The following SMAGP variants were observed in gnomAD, a reference collection of about 807,000 sequenced individuals.
The protein encoded by SMAGP is small cell adhesion glycoprotein, also known as small cell transmembrane and glycosylated protein.
In SMAGP, 7 loss-of-function variants were observed where a neutral mutation model predicts 10.1. The observed-to-expected ratio is 0.70, with a 90% confidence interval of 0.40 to 1.31. The LOEUF (loss-of-function observed/expected upper bound fraction) is 1.31. SMAGP is among the 50% of genes most tolerant of loss of function. SMAGP has a pLI of 0.01. For synonymous variants in SMAGP, 49 were observed against 47.2 expected (o/e 1.04, Z -0.16); for missense variants, 113 against 116.5 (o/e 0.97, Z 0.14).
intron 2 of SMAGP, among the ~76,000 whole-genome samples, chr12:51,250,039 C>CTTAAATATT (rs1944821380): frequency 6.6e-6 from 1 of 151,992 alleles, no homozygotes; most frequent in Middle Eastern, 3.4e-3. Context: ...GTAGCTACTA[C>CTTAAATATT]TTAAATATTA....
At chr12:51,246,930 A>C in intron 2 of SMAGP, 99 bp from the exon 3 acceptor site, 1 of 793,670 alleles carries the variant, frequency 1.3e-6, no homozygotes, top group East Asian at 3.1e-5. Context: ...CTTCTTCCCT[A>C]TTCAAAAGTT....
chr12:51,270,015 GCCCCGC>G (rs1004480145), intron 1 of SMAGP: 21 of 151,744 alleles, frequency 1.4e-4, no homozygotes, highest in African/African-American at 4.6e-4. Flanking sequence ...TCGCCCCGCG[GCCCCGC>G]CCCCGTCCCC....
intron 2 of SMAGP, among the ~76,000 whole-genome samples, chr12:51,247,204 A>G (rs1180286038): frequency 6.6e-6 from 1 of 151,666 alleles, no homozygotes; most frequent in Non-Finnish European, 1.5e-5. Flanking sequence ...GTGACATTTA[A>G]TAAGTCACTC....
intron 2 of SMAGP, among the ~76,000 whole-genome samples, chr12:51,248,429 CA>C (rs1944802680): frequency 2.6e-5 from 2 of 76,110 alleles, no homozygotes; most frequent in South Asian, 5.0e-4. Flanking sequence ...CACACACACA[CA>C]CACACTCTCT....
At chr12:51,260,206 CTTTTTTTTTTT>C (rs1274632737) in intron 2 of SMAGP, among the ~76,000 whole-genome samples, 1 of 104,916 alleles carries the variant, frequency 9.5e-6, no homozygotes, top group Admixed American at 1.0e-4. Context: ...GTCATGGTTT[CTTTTTTTTTTT>C]TTTTTTTTTT....
intron 2 of SMAGP, chr12:51,253,624 G>A (rs1944860459): frequency 1.3e-5 from 2 of 152,156 alleles, no homozygotes; most frequent in Admixed American, 6.6e-5. Flanking sequence ...AAAAAGGAAG[G>A]AATTCAGACA....
rs555865796 is a variant in SMAGP at position 51,260,614 on chromosome 12, G to A, written c.34+8631C>T. ...AGGATGGTCTCAATCTCCTGACCTC[G>A]TGATCCACCCGTCTTGGCCTCCCAA... On this transcript the variant is annotated intron_variant, in intron 2 of 3. Transcript: ENST00000603798. 3.3e-5 allele frequency among the ~76,000 whole-genome samples: 5 copies of A among 149,888 alleles called. No homozygotes were observed. The East Asian group carries it at 9.9e-4, about 30-fold the overall frequency.
At chr12:51,246,191 G>A in intron 3 of SMAGP, 72 bp from the exon 4 acceptor site, 3 of 1,558,798 alleles carry the variant, frequency 1.9e-6, no homozygotes, top group Non-Finnish European at 2.6e-6. Context: ...GGAGTCATCT[G>A]ATTTAGTCAC....
intron 2 of SMAGP, among the ~76,000 whole-genome samples, chr12:51,262,837 A>G (rs4761814): frequency 0.7 from 107,090 of 152,030 alleles, 40,141 homozygotes; most frequent in Non-Finnish European, 0.85. Flanking sequence ...TTTGCCACCT[A>G]AGTCTGCCAG....
intron 2 of SMAGP, among the ~76,000 whole-genome samples, chr12:51,265,357 C>T (rs1215508362): frequency 1.3e-5 from 2 of 152,156 alleles, no homozygotes; most frequent in Non-Finnish European, 2.9e-5. Context: ...ATAGCAATTC[C>T]ACTTCTGAGC....
At chr12:51,261,641 T>C (rs114961387) in intron 2 of SMAGP, among the ~76,000 whole-genome samples, 1,998 of 152,252 alleles carry the variant, frequency 0.013, 45 homozygotes, top group African/African-American at 0.045. Context: ...GACAGAATGG[T>C]TAGTTGAACT....
At chr12:51,251,947 T>C (rs1285223417) in intron 2 of SMAGP, among the ~76,000 whole-genome samples, 1 of 152,148 alleles carries the variant, frequency 6.6e-6, no homozygotes, top group Non-Finnish European at 1.5e-5. Context: ...AGAAAAAAAT[T>C]CTACAGAATG....
intron 2 of SMAGP, among the ~76,000 whole-genome samples, chr12:51,268,025 A>T (rs1443048324): frequency 6.6e-6 from 1 of 152,170 alleles, no homozygotes; most frequent in Non-Finnish European, 1.5e-5. Context: ...ACATGCTGAA[A>T]ACAGTCAATA....
At chr12:51,266,322 C>T (rs1241073908) in intron 2 of SMAGP, among the ~76,000 whole-genome samples, 2 of 152,168 alleles carry the variant, frequency 1.3e-5, no homozygotes, top group Non-Finnish European at 2.9e-5. Context: ...ATGCTATAAA[C>T]GCTTAGTAGA....
At chr12:51,253,536 G>C (rs948198193) in intron 2 of SMAGP, 2 of 151,976 alleles carry the variant, frequency 1.3e-5, no homozygotes, top group African/African-American at 4.8e-5. Context: ...ATGTCCAACA[G>C]TAGATAAATG....
intron 2 of SMAGP, among the ~76,000 whole-genome samples, chr12:51,250,959 C>G (rs1944832225): frequency 6.6e-6 from 1 of 151,784 alleles, no homozygotes; most frequent in Non-Finnish European, 1.5e-5. Context: ...ACTTTCCTCC[C>G]CAAATCGCCC....
intron 2 of SMAGP, among the ~76,000 whole-genome samples, chr12:51,248,434 A>ACACTCTCACTCTCTCTCTCTCTCTCTCT (rs1188710796): frequency 1.3e-5 from 1 of 77,468 alleles, no homozygotes; most frequent in African/African-American, 5.1e-5. Flanking sequence ...ACACACACAC[A>ACACTCTCACTCTCTCTCTCTCTCTCTCT]CTCTCTCTCT....
At position 51,269,430 on chromosome 12, in the gene SMAGP, T is replaced by C. The variant is rs1484160780; in HGVS notation, c.-38-114A>G. 5.3e-6 allele frequency: 4 copies of C among 756,678 alleles called. No homozygotes were observed. In the East Asian group the frequency reaches 1.1e-4, roughly 20 times the overall value. 46.9% of individuals were successfully genotyped at this position (756,678 alleles called of 1,614,324 possible). A position where few individuals can be genotyped will look rare whatever the true frequency, so the allele number is the denominator to read the frequency against. On this transcript the variant is annotated intron_variant, in intron 1 of 3. Coordinates refer to ENST00000603798, the MANE Select transcript of SMAGP (RefSeq NM_001031628.2). ...GGTTCTCCCAAGTCCCTTCCCCTTT[T>C]TCTCTTGTCCTCTTCTGGTTTCCCT...
intron 2 of SMAGP, among the ~76,000 whole-genome samples, chr12:51,258,416 A>T (rs375319390): frequency 6.6e-6 from 1 of 151,800 alleles, no homozygotes; most frequent in Admixed American, 6.6e-5. Flanking sequence ...ACATGGTGAA[A>T]CCCCATCTCT....
Sources: gnomAD v4.1 joint callset for allele counts (sites outside exome capture counted in the v4.1 genomes callset) on GRCh38, gnomAD v4.1.1 for gene constraint, MANE v1.5 for transcripts, NCBI Gene and HGNC (gene_info 2026-07-23, HGNC 2026-07-21) for gene names.